Variants in USP46 observed in about 807,000 individuals in gnomAD.
USP46 encodes ubiquitin specific peptidase 46.
A neutral mutation model predicts 44.4 loss-of-function variants in USP46; 12 were observed. The observed-to-expected ratio is 0.27, with a 90% CI of 0.17 to 0.44. The LOEUF is 0.44. Ranked by LOEUF, USP46 falls within the 20% of genes least tolerant of loss-of-function variation. The probability of loss-of-function intolerance (pLI) is 1.00; values close to 1 mark genes in which losing one functional copy is unlikely to be tolerated. For synonymous variants in USP46, 155 were observed against 161.5 expected, an observed-to-expected ratio of 0.96 and a Z score of 0.31; for missense variants, 248 against 444.8, an observed-to-expected ratio of 0.56 and a Z score of 3.98.
chr4:52,621,651 GTC>G (rs1336205171), intron 4 of USP46, among the ~76,000 whole-genome samples: 2 of 151,450 alleles, frequency 1.3e-5, no homozygotes, highest in East Asian at 3.9e-4. Context: ...GCAAGAGTCT[GTC>G]TCACACACAT....
intron 4 of USP46, among the ~76,000 whole-genome samples, chr4:52,618,499 T>A (rs1287080640): frequency 1.3e-5 from 2 of 149,824 alleles, no homozygotes; most frequent in Admixed American, 6.7e-5. Context: ...AAAAAAAAAA[T>A]CTTATTGAAT....
intron 4 of USP46, among the ~76,000 whole-genome samples, chr4:52,619,398 C>T (rs956645475): frequency 3.9e-5 from 6 of 152,044 alleles, no homozygotes; most frequent in African/African-American, 7.2e-5. Flanking sequence ...GCTGAGGCAG[C>T]AACAATGGCA....
At chr4:52,628,754 C>A (rs969328344) in intron 2 of USP46, among the ~76,000 whole-genome samples, 3 of 152,194 alleles carry the variant, frequency 2.0e-5, no homozygotes, top group Admixed American at 1.3e-4. Flanking sequence ...CAAAAATATG[C>A]TGCCTCATGT....
rs1173001551 is a variant in USP46 at position 52,594,154 on chromosome 4, A to G, written c.*3486T>C. 6.6e-6 allele frequency: 1 copy of G among 152,236 alleles called. No individual in the cohort carries two copies. The highest frequency in any genetic ancestry group is 1.5e-5 in the Non-Finnish European group (1 of 68,038). 9.4% of individuals were successfully genotyped at this position (152,236 alleles called of 1,614,324 possible). A position where few individuals can be genotyped will look rare whatever the true frequency, so the allele number is the denominator to read the frequency against. The stretch of plus-strand genomic sequence containing the variant: ...TCCATGTGTGTAGCATTACCCGGAT[A>G]TAATTCTCTAGAAAGAGAATTCCCA... On this transcript the variant is annotated 3_prime_UTR_variant, in exon 9 of 9. Coordinates refer to ENST00000441222, the MANE Select transcript of USP46 (RefSeq NM_022832.4).
At chr4:52,638,701 T>C (rs531311655) in intron 1 of USP46, among the ~76,000 whole-genome samples, 1 of 151,558 alleles carries the variant, frequency 6.6e-6, no homozygotes. Flanking sequence ...AAAGAATGTG[T>C]CTGACCTGCC....
In USP46 at chr4:52,592,878, T is replaced by C. The variant is rs1231872629; in HGVS notation, c.*4762A>G. 7 of 397,932 alleles carry C rather than the reference T, an allele frequency of 1.8e-5. No individual in the cohort carries two copies. The East Asian group carries it at 2.5e-4, about 14-fold the overall frequency. 24.7% of individuals were successfully genotyped at this position (397,932 alleles called of 1,614,324 possible). The stretch of plus-strand genomic sequence containing the variant: ...AGAAAAGTGTGTAACCCCTCCCCCT[T>C]TGCTCTCTTCCTCTTGCTCCTGCCA... On this transcript the variant is annotated 3_prime_UTR_variant, in exon 9 of 9. Transcript: ENST00000441222.
At chr4:52,615,627 T>C (rs73248667) in intron 4 of USP46, among the ~76,000 whole-genome samples, 3,970 of 152,232 alleles carry the variant, frequency 0.026, 83 homozygotes, top group Non-Finnish European at 0.037. Flanking sequence ...AAGTCATACA[T>C]AAAAGACCAC....
intron 7 of USP46, among the ~76,000 whole-genome samples, chr4:52,601,232 G>A (rs1431614478): frequency 6.6e-6 from 1 of 152,108 alleles, no homozygotes; most frequent in Admixed American, 6.5e-5. Flanking sequence ...ACAAACAGGT[G>A]AATTTTCAAG....
At chr4:52,611,694 C>T (rs1716938073) in intron 4 of USP46, among the ~76,000 whole-genome samples, 1 of 152,128 alleles carries the variant, frequency 6.6e-6, no homozygotes, top group South Asian at 2.1e-4. Flanking sequence ...CAAGACCAGC[C>T]TGGCCAACAT....
chr4:52,608,628 C>T (rs534296639), intron 5 of USP46, among the ~76,000 whole-genome samples: 3 of 152,322 alleles, frequency 2.0e-5, no homozygotes, highest in African/African-American at 7.2e-5. Context: ...TAAAAACAAT[C>T]CCAATGCCCA....
intron 4 of USP46, among the ~76,000 whole-genome samples, chr4:52,616,531 C>T (rs180996716): frequency 4.8e-4 from 73 of 152,316 alleles, no homozygotes; most frequent in African/African-American, 1.7e-3. Context: ...GGCCACCACA[C>T]CCGTCTAATT....
intron 4 of USP46, among the ~76,000 whole-genome samples, chr4:52,616,620 G>A (rs915625764): frequency 4.6e-5 from 7 of 152,142 alleles, no homozygotes; most frequent in South Asian, 4.1e-4. Flanking sequence ...TGATCCGCCC[G>A]CCTCAGCCTC....
rs571927556 is a variant in USP46, at chr4:52,643,463, G to T, written c.37-12319C>A. Among the ~76,000 whole-genome samples, 41 of 152,280 alleles carry T rather than the reference G, an allele frequency of 2.7e-4. No homozygotes were observed. In the South Asian group the frequency reaches 8.3e-3, roughly 31 times the overall value. ...GGCAACTACTTTCACAATATTAACA[G>T]CAGAATTGCGTAGCTGTGATAGAGA... is the stretch of plus-strand genomic sequence containing the variant. On this transcript the variant is annotated intron_variant, in intron 1 of 8. Coordinates refer to ENST00000441222, the MANE Select transcript of USP46 (RefSeq NM_022832.4).
chr4:52,613,667 A>T (rs1404806086), intron 4 of USP46, among the ~76,000 whole-genome samples: 1 of 151,610 alleles, frequency 6.6e-6, no homozygotes, highest in Non-Finnish European at 1.5e-5. Flanking sequence ...GGTTGCAGTA[A>T]GCCGAGATCT....
At position 52,601,624 on chromosome 4, in the gene USP46, T is replaced by A. The variant is rs192092661; in HGVS notation, c.920+233A>T. On this transcript the variant is annotated intron_variant, in intron 7 of 8. Coordinates refer to ENST00000441222, the MANE Select transcript of USP46 (RefSeq NM_022832.4). ...ACCATCGTTTTCATGCAATGGAGATTTATTAAGTAATTTCTCTCATGATAG... is the reference window on the plus strand; with the variant it reads ...ACCATCGTTTTCATGCAATGGAGATATATTAAGTAATTTCTCTCATGATAG... Among the ~76,000 whole-genome samples, 612 of 152,352 alleles carry A rather than the reference T, an allele frequency of 4.0e-3. 8 individuals carry two copies. Among genetic ancestry groups the A allele is most frequent in the Non-Finnish European group, 2.7e-3 (186 of 68,032 alleles).
rs1195844380 is a variant in USP46, at chr4:52,610,631, C to T, written c.562-14G>A. On this transcript the variant is annotated splice_polypyrimidine_tract_variant and intron_variant, in intron 4 of 8. Coordinates refer to ENST00000441222, the MANE Select transcript of USP46 (RefSeq NM_022832.4). ...TTTGCTACTAACCTGAAACAAAAAA[C>T]AGAAACAATATATTAGGCATGAAAT... 6.2e-7 allele frequency: 1 copy of T among 1,612,632 alleles called. No homozygotes were observed. Among genetic ancestry groups the T allele is most frequent in the South Asian group, 1.1e-5 (1 of 90,888 alleles).
At chr4:52,623,445 T>A (rs1385497522) in intron 4 of USP46, among the ~76,000 whole-genome samples, 2 of 152,084 alleles carry the variant, frequency 1.3e-5, no homozygotes, top group East Asian at 3.9e-4. Context: ...TAAAGTATAT[T>A]AAAGGCTCTA....
chr4:52,592,183 G>C lies in USP46; in HGVS notation c.*5457C>G, dbSNP rs1194135009. The C allele has an allele frequency of 2.0e-5, 3 of 152,092 alleles. No homozygotes were observed. Among genetic ancestry groups the C allele is most frequent in the African/African-American group, 7.2e-5 (3 of 41,412 alleles). The allele number at this position is 152,092 out of a possible 1,614,324, so 9.4% of individuals were successfully genotyped here. On this transcript the variant is annotated 3_prime_UTR_variant, in exon 9 of 9. Coordinates refer to ENST00000441222, the MANE Select transcript of USP46 (RefSeq NM_022832.4). ...TTTCTCACCCAGACTTGTCTTCTGAGACAAAAAACGAGTCCATAAGAGGGA... is the reference window on the plus strand; with the variant it reads ...TTTCTCACCCAGACTTGTCTTCTGACACAAAAAACGAGTCCATAAGAGGGA...
intron 1 of USP46, among the ~76,000 whole-genome samples, chr4:52,631,419 T>C (rs985506569): frequency 1.3e-5 from 2 of 152,184 alleles, no homozygotes; most frequent in Non-Finnish European, 2.9e-5. Flanking sequence ...GACAGGCAAA[T>C]GAACAAACAA....
Sources: allele counts gnomAD v4.1 joint callset (sites outside exome capture counted in the v4.1 genomes callset), GRCh38; gene constraint gnomAD v4.1.1; transcripts MANE v1.5; gene names NCBI Gene and HGNC (gene_info 2026-07-23, HGNC 2026-07-21).